The following WDR37 variants were observed in gnomAD, a reference collection of about 807,000 sequenced individuals.
WDR37 encodes WD repeat domain 37.
Under a neutral mutation model 62.9 loss-of-function variants are expected in WDR37, and 19 were observed. That is an observed-to-expected ratio of 0.30 (90% CI 0.21 to 0.44). The LOEUF (loss-of-function observed/expected upper bound fraction) is 0.44, where lower values mean the gene tolerates loss of function less well. Ranked by LOEUF, WDR37 falls within the 20% of genes least tolerant of loss-of-function variation. WDR37 has a pLI of 1.00. For missense variants in WDR37, 474 were observed against 657.6 expected (o/e 0.72, Z 3.05); for synonymous variants, 250 against 260.9 (o/e 0.96, Z 0.40).
chr10:1,085,980 C>T (rs937407186), intron 6 of WDR37, among the ~76,000 whole-genome samples: 11 of 152,174 alleles, frequency 7.2e-5, no homozygotes, highest in Non-Finnish European at 1.5e-4. Context: ...AATAATGAAA[C>T]TGTGATGGGA....
intron 12 of WDR37, 63 bp from the exon 13 acceptor site, chr10:1,124,847 T>C: frequency 6.3e-7 from 1 of 1,582,422 alleles, no homozygotes; most frequent in Non-Finnish European, 8.6e-7. Context: ...TCATTATCTG[T>C]CAACTCAAAA....
intron 2 of WDR37, 120 bp from the exon 3 acceptor site, chr10:1,077,787 A>G (rs1833922875): frequency 1.3e-6 from 1 of 753,358 alleles, no homozygotes; most frequent in East Asian, 3.0e-5. Flanking sequence ...TTATATATAA[A>G]AATATGTAAT....
chr10:1,063,916 G>A (rs1244276372), intron 1 of WDR37, among the ~76,000 whole-genome samples: 3 of 152,184 alleles, frequency 2.0e-5, no homozygotes, highest in Non-Finnish European at 2.9e-5. Flanking sequence ...TGAGTCTGAT[G>A]TCAGGATTTC....
chr10:1,094,235 A>G (rs1001360786), intron 8 of WDR37, among the ~76,000 whole-genome samples: 7 of 152,220 alleles, frequency 4.6e-5, no homozygotes, highest in Non-Finnish European at 1.0e-4. Context: ...GCAGCCTAAA[A>G]GCAGCGGACA....
At chr10:1,125,640 G>A (rs1319312645) in intron 13 of WDR37, among the ~76,000 whole-genome samples, 2 of 152,164 alleles carry the variant, frequency 1.3e-5, no homozygotes, top group Non-Finnish European at 2.9e-5. Context: ...TGGGGAAGCC[G>A]TCTTAGATGT....
At chr10:1,069,182 G>A (rs1049172490) in intron 1 of WDR37, among the ~76,000 whole-genome samples, 1 of 151,758 alleles carries the variant, frequency 6.6e-6, no homozygotes, top group Non-Finnish European at 1.5e-5. Context: ...ACTTTAAATA[G>A]GTGTCTTACA....
rs752462746 is a variant in WDR37, at chr10:1,103,670, C to T, written c.795C>T (p.Ser265=). The part of the protein sequence containing the change: ...DEPDLDGDVS[S]DCPTIRVPLT... ...CCGACCTCGATGGGGATGTGTCCAG[C>T]GACTGCCCCACCATCCGCGTCCCAC... Residue 265 remains serine (S), a synonymous_variant, in exon 10 of 14, where the codon AGC becomes AGT. Transcript: ENST00000263150. The surrounding 1 kb of genome is among the most constrained non-coding windows in gnomAD (Gnocchi z 6.3). The T allele has an allele frequency of 1.4e-5, 23 of 1,614,238 alleles. No homozygotes were observed. The highest frequency in any genetic ancestry group is 6.7e-5 in the East Asian group (3 of 44,896).
At position 1,125,039 on chromosome 10, in the gene WDR37, G is replaced by A. The variant is rs779939493; in HGVS notation, c.1353+15G>A. 24 of 1,614,032 alleles carry A rather than the reference G, an allele frequency of 1.5e-5. No homozygotes were observed. The highest frequency in any genetic ancestry group is 1.9e-5 in the Non-Finnish European group (23 of 1,179,962). On this transcript the variant is annotated intron_variant, in intron 13 of 13. Coordinates refer to ENST00000263150, the MANE Select transcript of WDR37 (RefSeq NM_014023.4). Reference sequence around the variant, plus strand: ...GCAGCCGACAGGTAACAGCACGGTCGGTGAACATATGCAGGGCACAGTGGA... The same window carrying A: ...GCAGCCGACAGGTAACAGCACGGTCAGTGAACATATGCAGGGCACAGTGGA...
intron 9 of WDR37, among the ~76,000 whole-genome samples, chr10:1,099,284 C>A (rs557355200): frequency 3.3e-5 from 5 of 152,192 alleles, no homozygotes; most frequent in African/African-American, 9.7e-5. Flanking sequence ...CGTGCTCAGC[C>A]CCCCCAGTTC....
Position 1,121,541 on chromosome 10 carries a change from G to A in WDR37, c.1104-2677G>A, listed in dbSNP as rs751427470. On this transcript the variant is annotated intron_variant, in intron 11 of 13. Coordinates refer to ENST00000263150, the MANE Select transcript of WDR37 (RefSeq NM_014023.4). The surrounding 1 kb of genome is among the most constrained non-coding windows in gnomAD (Gnocchi z 4.5). ...TCTCTCCTCTGCCCATGCTGCTCTC[G>A]TAACCCGTGCTGCTCTCGTTACCCA... is the stretch of plus-strand genomic sequence containing the variant. 3.9e-5 allele frequency among the ~76,000 whole-genome samples: 6 copies of A among 152,168 alleles called. No homozygotes were observed. Among genetic ancestry groups the A allele is most frequent in the African/African-American group, 1.2e-4 (5 of 41,434 alleles).
chr10:1,095,279 T>C (rs527479271), intron 8 of WDR37, among the ~76,000 whole-genome samples: 2 of 132,954 alleles, frequency 1.5e-5, no homozygotes, highest in African/African-American at 3.0e-5. Context: ...ACTTGGAAAC[T>C]GGAGGTAATG....
chr10:1,128,769 T>C lies in WDR37; in HGVS notation c.1354-444T>C, dbSNP rs1337700787. ...CTCACTGGTGTCTCGGCATCACTCA[T>C]TCTGGCCTGGCTGCACGTCCTGGCG... On this transcript the variant is annotated intron_variant, in intron 13 of 13. Coordinates refer to ENST00000263150, the MANE Select transcript of WDR37 (RefSeq NM_014023.4). 2.6e-5 allele frequency among the ~76,000 whole-genome samples: 4 copies of C among 152,328 alleles called. 1 individual carries two copies. The East Asian group carries it at 5.8e-4, about 22-fold the overall frequency.
At chr10:1,092,860 G>C in intron 7 of WDR37, among the ~76,000 whole-genome samples, 1 of 78,500 alleles carries the variant, frequency 1.3e-5, no homozygotes, top group South Asian at 4.9e-4. Flanking sequence ...ACCAGAGCAA[G>C]ACCCTATCTC....
intron 13 of WDR37, among the ~76,000 whole-genome samples, chr10:1,126,787 G>C (rs1472673739): frequency 1.3e-5 from 2 of 152,250 alleles, no homozygotes; most frequent in African/African-American, 4.8e-5. Context: ...CGGTAGCACA[G>C]ACTTTCTGGA....
chr10:1,100,686 G>A (rs1388216341), intron 9 of WDR37, among the ~76,000 whole-genome samples: 2 of 152,196 alleles, frequency 1.3e-5, no homozygotes, highest in African/African-American at 4.8e-5. Flanking sequence ...ATGTGAGTTA[G>A]GTTACACTGA....
At chr10:1,116,503 C>A (rs969125307) in intron 11 of WDR37, among the ~76,000 whole-genome samples, 1 of 152,214 alleles carries the variant, frequency 6.6e-6, no homozygotes, top group Non-Finnish European at 1.5e-5. Flanking sequence ...TAATGGCCCC[C>A]AGTTCTATCC....
In WDR37 at chr10:1,084,507, A is replaced by G. The variant is rs1834132513; in HGVS notation, c.501A>G (p.Thr167=). The change falls in exon 6 of 14, where the codon ACA becomes ACG. Residue 167 remains threonine (T), a synonymous_variant. Transcript: ENST00000263150. The part of the protein sequence containing the change: ...DGIWDVSVAK[T]QPVVLGTASA... The stretch of plus-strand genomic sequence containing the variant: ...TCTGGGATGTCAGCGTGGCCAAGAC[A>G]CAGCCAGTGGTGCTCGGGACTGCAT... 2 of 1,614,020 alleles carry G rather than the reference A, an allele frequency of 1.2e-6. No individual in the cohort carries two copies. The highest frequency in any genetic ancestry group is 1.7e-5 in the Admixed American group (1 of 59,996).
Position 1,103,463 on chromosome 10 carries a change from A to C in WDR37, c.727-139A>C. The C allele has an allele frequency of 1.1e-6, 1 of 875,676 alleles. No individual in the cohort carries two copies. The highest frequency in any genetic ancestry group is 1.7e-5 in the African/African-American group (1 of 60,210). 54.2% of individuals were successfully genotyped at this position (875,676 alleles called of 1,614,324 possible). A position where few individuals can be genotyped will look rare whatever the true frequency, so the allele number is the denominator to read the frequency against. On this transcript the variant is annotated intron_variant, in intron 9 of 13. Coordinates refer to ENST00000263150, the MANE Select transcript of WDR37 (RefSeq NM_014023.4). This position sits in a 1 kb window ranked among gnomAD's most constrained non-coding sequence, Gnocchi z 6.3. ...GGACATACTCATCACTGTGGCCAGC[A>C]CCAGGCTCCTAGTGGTGACCATCAT...
intron 11 of WDR37, among the ~76,000 whole-genome samples, chr10:1,110,585 A>G (rs1008266337): frequency 5.9e-5 from 9 of 152,194 alleles, no homozygotes; most frequent in Admixed American, 3.9e-4. Flanking sequence ...GCGCCCCAGC[A>G]CACCTGGGTG....
Sources: allele counts gnomAD v4.1 joint callset (sites outside exome capture counted in the v4.1 genomes callset), GRCh38; gene constraint gnomAD v4.1.1; non-coding constraint Gnocchi (gnomAD v3.1); transcripts MANE v1.5; gene names NCBI Gene and HGNC (gene_info 2026-07-23, HGNC 2026-07-21).